The following ADAM32 variants were observed in gnomAD, a reference collection of about 807,000 sequenced individuals.
ADAM32 encodes the protein disintegrin and metalloproteinase domain-containing protein 32.
ADAM32 carries 89 observed loss-of-function variants against 114.9 expected under a neutral mutation model. The ratio of observed to expected loss-of-function variants is 0.77; its 90% confidence interval spans 0.65 to 0.92. The LOEUF is 0.92. Among genes scored for constraint, ADAM32 ranks in the 40% least tolerant of loss-of-function variants. The probability of loss-of-function intolerance (pLI) is 0.00; values close to 1 mark genes in which losing one functional copy is unlikely to be tolerated. For synonymous variants in ADAM32, 285 were observed against 307.5 expected (o/e 0.93, Z 0.77); for missense variants, 870 against 932.8 (o/e 0.93, Z 0.88).
Position 39,149,792 on chromosome 8 carries a change from C to T in ADAM32, c.278C>T (p.Thr93Ile), listed in dbSNP as rs1803711094. The T allele has an allele frequency of 3.7e-6, 6 of 1,608,214 alleles. No individual in the cohort carries two copies. Among genetic ancestry groups the T allele is most frequent in the Non-Finnish European group, 5.1e-6 (6 of 1,175,972 alleles). ...TACTTTACTTTTTTTCTTTCCTAGA[C>T]TCAATGCTACTATCAAGGAAATATT... ...SMNTYSSDIQ[T>I]QCYYQGNIEG... is the part of the protein sequence containing the mutation. Residue 93 changes from threonine to isoleucine, a missense_variant and splice_region_variant, in exon 5 of 25, where the codon ACT becomes ATT. Coordinates refer to ENST00000379907, the MANE Select transcript of ADAM32 (RefSeq NM_145004.7).
rs1312411053 is a variant in ADAM32 at position 39,223,151 on chromosome 8, G to A, written c.1438G>A (p.Gly480Arg). Residue 480 changes from glycine to arginine, a missense_variant, in exon 14 of 25, where the codon GGA becomes AGA. Physicochemically the swap from Gly to Arg is moderately radical, Grantham distance 125 (BLOSUM62 -2). Coordinates refer to ENST00000379907, the MANE Select transcript of ADAM32 (RefSeq NM_145004.7). The stretch of plus-strand genomic sequence containing the variant: ...TGGTCCTGACATAACTTTAATCAAT[G>A]GACTTTCATGCAAAAATAATAAGTT... ...ECGPDITLIN[G>R]LSCKNNKFIC... The A allele has an allele frequency of 1.9e-6, 3 of 1,597,802 alleles. No individual in the cohort carries two copies. Among genetic ancestry groups the A allele is most frequent in the Non-Finnish European group, 1.7e-6 (2 of 1,172,334 alleles).
intron 1 of ADAM32, among the ~76,000 whole-genome samples, chr8:39,115,824 A>G (rs912944191): frequency 6.6e-6 from 1 of 152,210 alleles, no homozygotes; most frequent in Non-Finnish European, 1.5e-5. Flanking sequence ...CAAGACAAAG[A>G]TGTCTAGAAT....
chr8:39,108,561 C>G (rs1840023429), intron 1 of ADAM32, among the ~76,000 whole-genome samples: 2 of 152,142 alleles, frequency 1.3e-5, no homozygotes. Context: ...TATCTCCAAA[C>G]AATGCAAATG....
At chr8:39,109,609 T>C (rs1311312613) in intron 1 of ADAM32, among the ~76,000 whole-genome samples, 2 of 152,150 alleles carry the variant, frequency 1.3e-5, no homozygotes, top group African/African-American at 4.8e-5. Flanking sequence ...TTTAGGTTCA[T>C]AGCAAAATTG....
chr8:39,184,637 C>T (rs1287789624), intron 10 of ADAM32, among the ~76,000 whole-genome samples: 5 of 152,126 alleles, frequency 3.3e-5, no homozygotes, highest in African/African-American at 1.2e-4. Flanking sequence ...CTACAGGTCC[C>T]TCTGTGGAAG....
chr8:39,149,440 G>A (rs1393291813), intron 4 of ADAM32, among the ~76,000 whole-genome samples: 1 of 151,916 alleles, frequency 6.6e-6, no homozygotes, highest in Non-Finnish European at 1.5e-5. Context: ...CTCTTTTTTA[G>A]CATCATATTA....
intron 19 of ADAM32, among the ~76,000 whole-genome samples, chr8:39,258,441 C>T (rs1811802820): frequency 1.3e-5 from 2 of 151,914 alleles, no homozygotes; most frequent in South Asian, 2.1e-4. Context: ...AAATGATAGT[C>T]GACATTCAGT....
At chr8:39,128,231 A>T (rs1400876047) in intron 2 of ADAM32, among the ~76,000 whole-genome samples, 1 of 152,140 alleles carries the variant, frequency 6.6e-6, no homozygotes, top group Non-Finnish European at 1.5e-5. Flanking sequence ...TGTTTAGGAT[A>T]ATTAGCTCTT....
Position 39,164,753 on chromosome 8 carries a change from C to T in ADAM32, c.595-11C>T. ...TTTGTACTTAAATATAAAATTAATT[C>T]TGTTTTTCAGTATGATTACTGGGGC... On this transcript the variant is annotated splice_polypyrimidine_tract_variant and intron_variant, in intron 7 of 24. Transcript: ENST00000379907. The T allele has an allele frequency of 6.4e-7, 1 of 1,553,370 alleles. No individual in the cohort carries two copies. Among genetic ancestry groups the T allele is most frequent in the Non-Finnish European group, 8.7e-7 (1 of 1,143,032 alleles).
In ADAM32 at chr8:39,283,585, G is replaced by C; in HGVS notation, c.2319-1G>C. 1 of 1,596,604 alleles carries C rather than the reference G, an allele frequency of 6.3e-7. No individual in the cohort carries two copies. Among genetic ancestry groups the C allele is most frequent in the Non-Finnish European group, 8.6e-7 (1 of 1,169,030 alleles). On this transcript the variant is annotated splice_acceptor_variant, in intron 23 of 24. Transcript: ENST00000379907. LOFTEE classifies it high-confidence loss of function. ...AAAATGTTATTTCCTTATTTCCTTA[G>C]ATCCAAATCACAGGACAGTACCCAA... is the stretch of plus-strand genomic sequence containing the variant.
chr8:39,221,929 A>C (rs1808998960), intron 13 of ADAM32, among the ~76,000 whole-genome samples: 1 of 151,944 alleles, frequency 6.6e-6, no homozygotes, highest in African/African-American at 2.4e-5. Flanking sequence ...CTTGATTTAG[A>C]GATATTATTG....
intron 12 of ADAM32, among the ~76,000 whole-genome samples, chr8:39,218,115 T>C (rs909155761): frequency 1.3e-5 from 2 of 152,074 alleles, no homozygotes; most frequent in African/African-American, 4.8e-5. Flanking sequence ...TTTTGCAGAC[T>C]CTTAGAGGTA....
intron 3 of ADAM32, among the ~76,000 whole-genome samples, chr8:39,137,395 T>C (rs534878252): frequency 6.6e-6 from 1 of 152,254 alleles, no homozygotes; most frequent in African/African-American, 2.4e-5. Context: ...GAGGCTTACA[T>C]GAATATTTTT....
At chr8:39,226,365 A>G (rs1389156417) in intron 14 of ADAM32, among the ~76,000 whole-genome samples, 1 of 152,132 alleles carries the variant, frequency 6.6e-6, no homozygotes, top group East Asian at 1.9e-4. Context: ...CTTAGGAAAG[A>G]TATAAGTGTG....
At chr8:39,143,231 G>A (rs571741387) in intron 3 of ADAM32, among the ~76,000 whole-genome samples, 16 of 152,214 alleles carry the variant, frequency 1.1e-4, no homozygotes, top group Non-Finnish European at 1.5e-4. Flanking sequence ...CTCATTCTCC[G>A]TCCAATTTTG....
At chr8:39,166,052 AT>A (rs1428685935) in intron 9 of ADAM32, 2 of 151,912 alleles carry the variant, frequency 1.3e-5, no homozygotes, top group African/African-American at 2.4e-5. Context: ...TAATATTTAT[AT>A]TTTTTCCCCA....
chr8:39,206,166 A>G (rs543183115), intron 11 of ADAM32, among the ~76,000 whole-genome samples: 91 of 152,278 alleles, frequency 6.0e-4, no homozygotes, highest in Admixed American at 1.4e-3. Context: ...AGTGGTGTTT[A>G]TGAGTTCCCC....
chr8:39,184,266 A>G (rs781120180), intron 10 of ADAM32, among the ~76,000 whole-genome samples: 1 of 152,192 alleles, frequency 6.6e-6, no homozygotes, highest in South Asian at 2.1e-4. Context: ...GGGATGCCAT[A>G]TTACTCTTGA....
chr8:39,249,478 G>A (rs1039480508), intron 17 of ADAM32, among the ~76,000 whole-genome samples: 39 of 152,008 alleles, frequency 2.6e-4, no homozygotes, highest in African/African-American at 8.5e-4. Context: ...TTTTTCTATG[G>A]TTTTGATGTT....
Sources: allele counts gnomAD v4.1 joint callset (sites outside exome capture counted in the v4.1 genomes callset), GRCh38; gene constraint gnomAD v4.1.1; transcripts MANE v1.5; gene names NCBI Gene and HGNC (gene_info 2026-07-23, HGNC 2026-07-21).